The following KCND3 variants were observed in gnomAD, a reference collection of about 807,000 sequenced individuals.
KCND3 encodes potassium voltage-gated channel subfamily D member 3.
In KCND3, 9 loss-of-function variants were observed where a neutral mutation model predicts 51.1. That is an observed-to-expected ratio of 0.18 (90% CI 0.11 to 0.31). KCND3 has a LOEUF of 0.31. Among genes scored for constraint, KCND3 ranks in the 10% least tolerant of loss-of-function variants. The pLI, the probability that KCND3 is intolerant of heterozygous loss-of-function variation, is 1.00. For synonymous variants in KCND3, 349 were observed against 368.0 expected (o/e 0.95, Z 0.59); for missense variants, 526 against 903.8 (o/e 0.58, Z 5.36).
intron 2 of KCND3, among the ~76,000 whole-genome samples, chr1:111,861,087 T>C (rs1055953620): frequency 1.6e-4 from 24 of 152,098 alleles, no homozygotes; most frequent in Admixed American, 5.2e-4. Flanking sequence ...AAGGGCTTCA[T>C]GGGGTCAACT....
intron 2 of KCND3, among the ~76,000 whole-genome samples, chr1:111,917,517 G>A (rs1216822450): frequency 6.6e-6 from 1 of 152,148 alleles, no homozygotes; most frequent in Non-Finnish European, 1.5e-5. Flanking sequence ...ATCCATTGAT[G>A]GAGGTGGTTG....
intron 1 of KCND3, chr1:111,989,182 G>C (rs577281837): frequency 2.6e-5 from 4 of 152,460 alleles, no homozygotes; most frequent in Middle Eastern, 3.4e-3. Context: ...AGCGGGGACG[G>C]AGCAAGCCTT....
At chr1:111,888,016 A>T (rs997904413) in intron 2 of KCND3, among the ~76,000 whole-genome samples, 1 of 152,262 alleles carries the variant, frequency 6.6e-6, no homozygotes, top group East Asian at 1.9e-4. Flanking sequence ...TGGACCTAGC[A>T]CAAGGTACCC....
intron 2 of KCND3, among the ~76,000 whole-genome samples, chr1:111,876,433 T>A (rs1669053018): frequency 6.6e-6 from 1 of 152,194 alleles, no homozygotes; most frequent in South Asian, 2.1e-4. Context: ...GAGTGGCTAA[T>A]TCACCTCCGA....
intron 2 of KCND3, among the ~76,000 whole-genome samples, chr1:111,804,638 G>C (rs1452380250): frequency 2.6e-5 from 4 of 152,224 alleles, no homozygotes; most frequent in Non-Finnish European, 4.4e-5. Context: ...GGGAGAGCAT[G>C]AGAAGTCACA....
At chr1:111,878,821 C>A (rs1391100557) in intron 2 of KCND3, among the ~76,000 whole-genome samples, 5 of 152,116 alleles carry the variant, frequency 3.3e-5, no homozygotes, top group Non-Finnish European at 5.9e-5. Flanking sequence ...CCACAGGGTG[C>A]CCAGGTATTT....
intron 2 of KCND3, among the ~76,000 whole-genome samples, chr1:111,836,740 G>GTTAT (rs557268658): frequency 6.6e-6 from 1 of 151,790 alleles, no homozygotes; most frequent in Non-Finnish European, 1.5e-5. Flanking sequence ...CGACCCCTGA[G>GTTAT]CCATTTTATG....
intron 2 of KCND3, among the ~76,000 whole-genome samples, chr1:111,866,263 C>CTTTTTTTTTTTT (rs11399761): frequency 1.8e-4 from 10 of 54,216 alleles, no homozygotes; most frequent in Admixed American, 4.0e-4. Flanking sequence ...CTTTTCTTTT[C>CTTTTTTTTTTTT]TTTTTTTTTT....
intron 2 of KCND3, among the ~76,000 whole-genome samples, chr1:111,807,843 A>C (rs1182502834): frequency 6.6e-6 from 1 of 152,236 alleles, no homozygotes; most frequent in Non-Finnish European, 1.5e-5. Flanking sequence ...CTCAGAACTT[A>C]TGTCCATTGT....
chr1:111,944,729 G>A (rs187770513), intron 2 of KCND3, among the ~76,000 whole-genome samples: 1 of 152,356 alleles, frequency 6.6e-6, no homozygotes, highest in African/African-American at 2.4e-5. Flanking sequence ...CACATACAAG[G>A]AACTCAGTAA....
At chr1:111,882,346 T>A (rs565601208) in intron 2 of KCND3, among the ~76,000 whole-genome samples, 4 of 152,330 alleles carry the variant, frequency 2.6e-5, no homozygotes, top group Admixed American at 2.6e-4. Context: ...GGCGTCCGGT[T>A]TGGATGCCCA....
chr1:111,867,739 G>A (rs1351261955), intron 2 of KCND3, among the ~76,000 whole-genome samples: 1 of 152,222 alleles, frequency 6.6e-6, no homozygotes, highest in African/African-American at 2.4e-5. Context: ...AGCATGGCAG[G>A]CACCTTGATA....
Position 111,815,060 on chromosome 1 carries a change from G to GCT in KCND3, c.1107-27956_1107-27955dup, listed in dbSNP as rs567799743. On this transcript the variant is annotated intron_variant, in intron 2 of 7. Coordinates refer to ENST00000302127, the MANE Select transcript of KCND3 (RefSeq NM_001378969.1). Reference sequence around the variant, plus strand: ...CTCCTGCCTCAGAGAGGAACAACCGGCTCTCTCTCTTTGGCAGAGGAGGCC... The same window carrying GCT: ...CTCCTGCCTCAGAGAGGAACAACCGGCTCTCTCTCTCTTTGGCAGAGGAGGCC... Among the ~76,000 whole-genome samples the GCT allele has an allele frequency of 4.1e-4, 62 of 152,312 alleles. 1 individual carries two copies. In the South Asian group the frequency reaches 0.013, roughly 32 times the overall value.
chr1:111,794,300 G>A (rs1468605913), intron 2 of KCND3, among the ~76,000 whole-genome samples: 2 of 152,162 alleles, frequency 1.3e-5, no homozygotes, highest in Non-Finnish European at 2.9e-5. Context: ...CTTCCTCCAG[G>A]TGCCAAGAGA....
intron 2 of KCND3, among the ~76,000 whole-genome samples, chr1:111,924,242 G>A (rs1671598672): frequency 6.6e-6 from 1 of 152,234 alleles, no homozygotes; most frequent in African/African-American, 2.4e-5. Context: ...TTCTAGCCTG[G>A]AAGGGGAAAT....
At chr1:111,791,544 C>T (rs1480678890) in intron 2 of KCND3, among the ~76,000 whole-genome samples, 1 of 152,226 alleles carries the variant, frequency 6.6e-6, no homozygotes, top group African/African-American at 2.4e-5. Flanking sequence ...ACTTTCCTGT[C>T]GCTTAGCTGT....
intron 2 of KCND3, among the ~76,000 whole-genome samples, chr1:111,911,348 G>C (rs1333185675): frequency 2.6e-5 from 4 of 152,316 alleles, no homozygotes; most frequent in Admixed American, 6.5e-5. Flanking sequence ...GTGTCTGCAA[G>C]GTACACGGAG....
intron 2 of KCND3, among the ~76,000 whole-genome samples, chr1:111,931,705 A>G (rs557416349): frequency 6.6e-6 from 1 of 152,366 alleles, no homozygotes; most frequent in East Asian, 1.9e-4. Context: ...CAGCATCGGC[A>G]TAGTGCTGCG....
In KCND3 at chr1:111,982,697, A is replaced by C. The variant is rs1675028666; in HGVS notation, c.30T>G (p.Pro10=). MAAGVAAWL[P]FARAAAIGWM... is the part of the protein sequence containing the mutation. Reference sequence around the variant, plus strand: ...ACCCGATGGCCGCAGCCCGGGCAAAAGGCAGCCAGGCCGCAACTCCGGCCG... The same window carrying C: ...ACCCGATGGCCGCAGCCCGGGCAAACGGCAGCCAGGCCGCAACTCCGGCCG... Residue 10 remains proline (P), a synonymous_variant, in exon 2 of 8, where the codon CCT becomes CCG. Coordinates refer to ENST00000302127, the MANE Select transcript of KCND3 (RefSeq NM_001378969.1). The surrounding 1 kb of genome is among the most constrained non-coding windows in gnomAD (Gnocchi z 8.5). 6.2e-7 allele frequency: 1 copy of C among 1,607,086 alleles called. No homozygotes were observed. Among genetic ancestry groups the C allele is most frequent in the South Asian group, 1.1e-5 (1 of 91,008 alleles).
Sources: allele counts gnomAD v4.1 joint callset (sites outside exome capture counted in the v4.1 genomes callset), GRCh38; gene constraint gnomAD v4.1.1; non-coding constraint Gnocchi (gnomAD v3.1); transcripts MANE v1.5; gene names NCBI Gene and HGNC (gene_info 2026-07-23, HGNC 2026-07-21).